Variants in RICTOR observed in about 807,000 individuals in gnomAD.
The protein encoded by RICTOR is RPTOR independent companion of MTOR complex 2.
RICTOR carries 49 observed loss-of-function variants against 214.9 expected under a neutral mutation model. The ratio of observed to expected loss-of-function variants is 0.23; its 90% CI spans 0.18 to 0.29. The LOEUF (loss-of-function observed/expected upper bound fraction) is 0.29, where lower values mean the gene tolerates loss of function less well. Ranked by LOEUF, RICTOR falls within the 10% of genes least tolerant of loss-of-function variation. RICTOR has a pLI of 1.00. For missense variants in RICTOR, 1,625 were observed against 2,047.0 expected (o/e 0.79, Z 3.98); for synonymous variants, 717 against 711.3 (o/e 1.01, Z -0.13).
At chr5:38,960,708 C>A (rs1749719684) in intron 19 of RICTOR, among the ~76,000 whole-genome samples, 175 bp from the exon 20 acceptor site, 1 of 151,048 alleles carries the variant, frequency 6.6e-6, no homozygotes, top group African/African-American at 2.4e-5. Flanking sequence ...CTGCCTGTGC[C>A]CCCACCCAAA....
intron 5 of RICTOR, 42 bp from the exon 6 acceptor site, chr5:38,996,924 T>A: frequency 1.4e-6 from 2 of 1,384,252 alleles, no homozygotes; most frequent in South Asian, 2.3e-5. Flanking sequence ...AAAATTCTAT[T>A]AAACAACTTT....
At chr5:39,059,986 T>G (rs1758433555) in intron 2 of RICTOR, among the ~76,000 whole-genome samples, 1 of 152,098 alleles carries the variant, frequency 6.6e-6, no homozygotes, top group Non-Finnish European at 1.5e-5. Context: ...CAAATCTAGA[T>G]CTGTCTGGGT....
Position 39,002,603 on chromosome 5 carries a change from T to C in RICTOR, c.324A>G (p.Arg108=). 3 of 1,611,922 alleles carry C rather than the reference T, an allele frequency of 1.9e-6. No individual in the cohort carries two copies. Among genetic ancestry groups the C allele is most frequent in the Non-Finnish European group, 1.7e-6 (2 of 1,178,576 alleles). ...GAATACTGGAGTCTTGGATGAGATATCGAAGCGCTCGTAGCCCTGCTGCTC... is the reference window on the plus strand; with the variant it reads ...GAATACTGGAGTCTTGGATGAGATACCGAAGCGCTCGTAGCCCTGCTGCTC... ...EVRAAGLRAL[R]YLIQDSSILQ... is the part of the protein sequence containing the mutation. Residue 108 remains arginine (R), a synonymous_variant, in exon 5 of 38, where the codon CGA becomes CGG. Coordinates refer to ENST00000357387, the MANE Select transcript of RICTOR (RefSeq NM_152756.5).
chr5:38,974,165 G>A (rs561525405), intron 10 of RICTOR, among the ~76,000 whole-genome samples: 24 of 151,744 alleles, frequency 1.6e-4, no homozygotes, highest in African/African-American at 5.3e-4. Context: ...TTCTCCTGCT[G>A]CAGCCTCCCG....
rs575535577 is a variant in RICTOR, at chr5:39,074,351, A to T, written c.27T>A (p.Ser9=). 3 of 1,537,982 alleles carry T rather than the reference A, an allele frequency of 2.0e-6. No homozygotes were observed. The highest frequency in any genetic ancestry group is 1.4e-5 in the African/African-American group (1 of 71,680). MAAIGRGR[S]LKNLRVRGRN... ...TACCTCGTACTCGGAGGTTCTTCAG[A>T]GAGCGGCCGCGGCCGATCGCCGCCA... is the stretch of plus-strand genomic sequence containing the variant. Residue 9 remains serine (S), a synonymous_variant, in exon 1 of 38, where the codon TCT becomes TCA. Coordinates refer to ENST00000357387, the MANE Select transcript of RICTOR (RefSeq NM_152756.5).
At chr5:39,034,308 C>G (rs1756493368) in intron 2 of RICTOR, among the ~76,000 whole-genome samples, 2 of 152,170 alleles carry the variant, frequency 1.3e-5, no homozygotes, top group African/African-American at 4.8e-5. Context: ...AACAGAGCAT[C>G]TATTAAAAGT....
intron 2 of RICTOR, among the ~76,000 whole-genome samples, chr5:39,028,029 G>T (rs1288030403): frequency 2.0e-5 from 3 of 152,050 alleles, no homozygotes; most frequent in African/African-American, 7.2e-5. Context: ...AGGCCAAAAA[G>T]TATGAGAAAA....
chr5:39,034,288 A>T (rs2150155756), intron 2 of RICTOR, among the ~76,000 whole-genome samples: 1 of 152,356 alleles, frequency 6.6e-6, no homozygotes, highest in South Asian at 2.1e-4. Context: ...TGTAGTTAAT[A>T]ATCCATTTGA....
intron 2 of RICTOR, among the ~76,000 whole-genome samples, chr5:39,061,509 C>T (rs893259392): frequency 3.3e-5 from 5 of 151,914 alleles, no homozygotes; most frequent in African/African-American, 1.2e-4. Flanking sequence ...TAGAAACAAA[C>T]ATTAGATTCA....
At chr5:38,954,580 G>A in intron 27 of RICTOR, 194 bp downstream of exon 27, 1 of 491,226 alleles carries the variant, frequency 2.0e-6, no homozygotes, top group Non-Finnish European at 3.6e-6. Context: ...TGCATTGCAA[G>A]GCCATTAATA....
chr5:39,035,020 A>C (rs1263948575), intron 2 of RICTOR, among the ~76,000 whole-genome samples: 1 of 152,232 alleles, frequency 6.6e-6, no homozygotes, highest in African/African-American at 2.4e-5. Context: ...CTGCCTCCTC[A>C]AGTGGGTCCC....
intron 7 of RICTOR, among the ~76,000 whole-genome samples, chr5:38,990,597 G>GATAT (rs1345378791): frequency 8.6e-6 from 1 of 115,816 alleles, no homozygotes; most frequent in African/African-American, 3.6e-5. Context: ...TGATATATAC[G>GATAT]ATATATATGA....
chr5:38,973,821 T>A (rs756076208), intron 10 of RICTOR, among the ~76,000 whole-genome samples: 1 of 152,168 alleles, frequency 6.6e-6, no homozygotes, highest in African/African-American at 2.4e-5. Context: ...CATTAAAAAA[T>A]GTGTTCTAAA....
chr5:38,999,140 G>C (rs2592301), intron 5 of RICTOR, among the ~76,000 whole-genome samples: 5,911 of 150,476 alleles, frequency 0.039, 207 homozygotes, highest in African/African-American at 0.085. Context: ...TTAATAAACA[G>C]GTAAGTAGAA....
chr5:38,950,812 T>C, intron 30 of RICTOR, 92 bp from the exon 31 acceptor site: 1 of 1,118,866 alleles, frequency 8.9e-7, no homozygotes, highest in Non-Finnish European at 1.2e-6. Flanking sequence ...AATTTTTTTT[T>C]AGTCATCTAG....
In RICTOR at chr5:38,967,939, T is replaced by C; in HGVS notation, c.1060+4A>G. On this transcript the variant is annotated splice_donor_region_variant and intron_variant, in intron 12 of 37. Coordinates refer to ENST00000357387, the MANE Select transcript of RICTOR (RefSeq NM_152756.5). ...AAAAGATACAAATGTACTTCAATAC[T>C]TACCTACACTGAGTAGTGCTTCTAT... 1 of 1,443,510 alleles carries C rather than the reference T, an allele frequency of 6.9e-7. No individual in the cohort carries two copies. Among genetic ancestry groups the C allele is most frequent in the Non-Finnish European group, 9.7e-7 (1 of 1,028,362 alleles). 89.4% of individuals were successfully genotyped at this position (1,443,510 alleles called of 1,614,324 possible).
Position 38,964,892 on chromosome 5 carries a change from C to T in RICTOR, c.1300G>A (p.Ala434Thr). ...TGTGAATGAGGAAGAATTGTGTTTG[C>T]CTAAAATGAAGCATAACATTTTACA... is the stretch of plus-strand genomic sequence containing the variant. ...TILLGELLHM[A>T]NTILPHSHSH... The change falls in exon 16 of 38, where the codon GCA becomes ACA. Residue 434 changes from alanine (A) to threonine (T), a missense_variant and splice_region_variant. Ala to Thr is a moderately conservative substitution (Grantham distance 58, BLOSUM62 0). Transcript: ENST00000357387. The T allele has an allele frequency of 3.8e-6, 6 of 1,588,798 alleles. No individual in the cohort carries two copies. The South Asian group carries it at 5.6e-5, about 15-fold the overall frequency.
At chr5:38,945,101 A>G in intron 34 of RICTOR, 33 bp from the exon 35 acceptor site, 1 of 1,458,044 alleles carries the variant, frequency 6.9e-7, no homozygotes, top group Non-Finnish European at 9.5e-7. Flanking sequence ...CAATTAAAGC[A>G]CCATAACGGC....
In RICTOR at chr5:38,942,301, A is replaced by C. The variant is rs41271097; in HGVS notation, c.*3T>G. 13,690 of 1,559,596 alleles carry C rather than the reference A, an allele frequency of 8.8e-3. 83 individuals are homozygous for C. The highest frequency in any genetic ancestry group is 0.01 in the Non-Finnish European group (11,507 of 1,135,760). On this transcript the variant is annotated 3_prime_UTR_variant, in exon 38 of 38. Transcript: ENST00000357387. ...TGTATCTATATCCATCATAAATATG[A>C]GGTCAGGATTCAGCAGATGTATCAA...
Sources: allele counts gnomAD v4.1 joint callset (sites outside exome capture counted in the v4.1 genomes callset), GRCh38; gene constraint gnomAD v4.1.1; transcripts MANE v1.5; gene names NCBI Gene and HGNC (gene_info 2026-07-23, HGNC 2026-07-21).